Variants in EFCAB6 observed in about 807,000 individuals in gnomAD.
EFCAB6 encodes the protein EF-hand calcium-binding domain-containing protein 6.
EFCAB6 carries 156 observed loss-of-function variants against 169.8 expected under a neutral mutation model. The ratio of observed to expected loss-of-function variants is 0.92; its 90% CI spans 0.81 to 1.05. The LOEUF is 1.05. Ranked by LOEUF, EFCAB6 falls within the 50% of genes least tolerant of loss-of-function variation. The pLI, the probability that EFCAB6 is intolerant of heterozygous loss-of-function variation, is 0.00. For missense variants in EFCAB6, 1,800 were observed against 1,829.1 expected (o/e 0.98, Z 0.29); for synonymous variants, 698 against 676.4 (o/e 1.03, Z -0.50).
At chr22:43,737,776 CACAT>C (rs1386991273) in intron 6 of EFCAB6, among the ~76,000 whole-genome samples, 2 of 151,630 alleles carry the variant, frequency 1.3e-5, no homozygotes, top group Non-Finnish European at 2.9e-5. Flanking sequence ...ATCACTCACA[CACAT>C]ATTCATACAC....
Position 43,672,014 on chromosome 22 carries a change from C to T in EFCAB6, c.1599G>A (p.Met533Ile), listed in dbSNP as rs1907502006. 2 of 1,614,126 alleles carry T rather than the reference C, an allele frequency of 1.2e-6. No individual in the cohort carries two copies. Among genetic ancestry groups the T allele is most frequent in the African/African-American group, 1.3e-5 (1 of 75,050 alleles). Residue 533 changes from methionine (M) to isoleucine (I), a missense_variant, in exon 15 of 32, where the codon ATG (methionine) becomes ATA (isoleucine). Met to Ile is a conservative substitution (Grantham distance 10, BLOSUM62 1). Transcript: ENST00000262726. ...RIGRNNFKKI[M>I]HVFCPFLTNA... is the part of the protein sequence containing the mutation. ...TCGTTAAAAATGGACAGAAGACGTG[C>T]ATGATTTTCTTGAAATTATTTCGGC...
intron 2 of EFCAB6, among the ~76,000 whole-genome samples, chr22:43,784,627 ATATATGTATATG>A (rs1301019074): frequency 5.3e-5 from 4 of 75,662 alleles, no homozygotes; most frequent in South Asian, 4.0e-4. Context: ...ATATACACAT[ATATATGTATATG>A]TACACATATA....
At chr22:43,658,937 C>T (rs2157230) in intron 17 of EFCAB6, among the ~76,000 whole-genome samples, 16,813 of 152,252 alleles carry the variant, frequency 0.11, 997 homozygotes, top group Admixed American at 0.12. Context: ...AGGCTGCCAC[C>T]GGTTTCTCTA....
At chr22:43,676,367 C>T (rs1044753036) in intron 13 of EFCAB6, among the ~76,000 whole-genome samples, 2 of 146,818 alleles carry the variant, frequency 1.4e-5, no homozygotes, top group African/African-American at 5.1e-5. Flanking sequence ...TGCAGTGAGC[C>T]GAGATCATGC....
At chr22:43,703,346 G>A (rs1241506210) in intron 10 of EFCAB6, among the ~76,000 whole-genome samples, 1 of 152,166 alleles carries the variant, frequency 6.6e-6, no homozygotes, top group African/African-American at 2.4e-5. Context: ...AAGCTAGACT[G>A]AATAATGAAT....
intron 26 of EFCAB6, among the ~76,000 whole-genome samples, chr22:43,568,885 T>C (rs762892086): frequency 1.8e-4 from 27 of 152,182 alleles, no homozygotes; most frequent in Non-Finnish European, 3.5e-4. Flanking sequence ...GATAGCCTTG[T>C]CTTCTGCCTG....
intron 2 of EFCAB6, among the ~76,000 whole-genome samples, chr22:43,784,714 C>CATATATAT (rs1275829590): frequency 8.4e-5 from 11 of 131,108 alleles, no homozygotes; most frequent in African/African-American, 3.1e-4. Context: ...CACACACACA[C>CATATATAT]ACACATATAT....
intron 13 of EFCAB6, among the ~76,000 whole-genome samples, chr22:43,673,988 T>C (rs2057611440): frequency 6.6e-6 from 1 of 150,826 alleles, no homozygotes; most frequent in African/African-American, 2.4e-5. Context: ...AAAAAAGTCA[T>C]TGTATGGTCT....
chr22:43,579,285 C>A (rs1011258339), intron 25 of EFCAB6, among the ~76,000 whole-genome samples: 2 of 138,664 alleles, frequency 1.4e-5, no homozygotes, highest in Non-Finnish European at 3.1e-5. Flanking sequence ...ATTCCCTATA[C>A]GCAGGCATTA....
chr22:43,592,362 T>C (rs9917568), intron 23 of EFCAB6, among the ~76,000 whole-genome samples: 3,152 of 152,300 alleles, frequency 0.021, 108 homozygotes, highest in African/African-American at 0.072. Context: ...TTGAATTCAG[T>C]CCCATGTTGC....
At chr22:43,552,249 CG>C (rs2048425258) in intron 27 of EFCAB6, 1 of 152,102 alleles carries the variant, frequency 6.6e-6, no homozygotes, top group South Asian at 2.1e-4. Context: ...TTGTGAAAAG[CG>C]CTGCAATGTA....
intron 17 of EFCAB6, among the ~76,000 whole-genome samples, chr22:43,657,009 G>A (rs2056780713): frequency 6.6e-6 from 1 of 152,154 alleles, no homozygotes; most frequent in Admixed American, 6.5e-5. Flanking sequence ...AAAATTGATG[G>A]CCAGGCATGG....
At chr22:43,587,860 G>A (rs2051181042) in intron 24 of EFCAB6, among the ~76,000 whole-genome samples, 1 of 152,154 alleles carries the variant, frequency 6.6e-6, no homozygotes, top group Non-Finnish European at 1.5e-5. Context: ...GTTGACAACA[G>A]GAGACCAAAG....
Position 43,678,113 on chromosome 22 carries a change from G to T in EFCAB6, c.1302C>A (p.Cys434Ter). 6.2e-7 allele frequency: 1 copy of T among 1,612,454 alleles called. No homozygotes were observed. Reference sequence around the variant, plus strand: ...CTGAATCGCTTAGTTTTACAGCCATGCAATTTAGAATATATCGAAATTCTT... The same window carrying T: ...CTGAATCGCTTAGTTTTACAGCCATTCAATTTAGAATATATCGAAATTCTT... Reference protein sequence around the residue: ...TREEFRYILNCMAVKLSDSEF... With the variant: ...TREEFRYILN Residue 434 changes from cysteine to a stop codon, truncating the protein, a stop_gained, in exon 13 of 32, where the codon TGC becomes TGA. Transcript: ENST00000262726. LOFTEE classifies it high-confidence loss of function.
intron 17 of EFCAB6, among the ~76,000 whole-genome samples, chr22:43,661,812 G>A (rs1159333457): frequency 1.3e-5 from 2 of 152,144 alleles, no homozygotes; most frequent in Non-Finnish European, 2.9e-5. Flanking sequence ...CTTATTGATA[G>A]TTAATAAATA....
chr22:43,687,513 C>T lies in EFCAB6; in HGVS notation c.1100G>A (p.Gly367Glu), dbSNP rs2058249586. The change falls in exon 11 of 32, where the codon GGG (glycine) becomes GAG (glutamate). Residue 367 changes from glycine (G) to glutamate (E), a missense_variant. Coordinates refer to ENST00000262726, the MANE Select transcript of EFCAB6 (RefSeq NM_022785.4). ...QFLTSFHEPQ[G>E]LQVSSKGPLT... is the part of the protein sequence containing the mutation. ...GGGACCTTTACTGCTAACTTGCAACCCCTGAGGCTCATGAAATGATGTTAG... is the reference window on the plus strand; with the variant it reads ...GGGACCTTTACTGCTAACTTGCAACTCCTGAGGCTCATGAAATGATGTTAG... 4 of 1,602,710 alleles carry T rather than the reference C, an allele frequency of 2.5e-6. No homozygotes were observed. Among genetic ancestry groups the T allele is most frequent in the Non-Finnish European group, 3.4e-6 (4 of 1,175,786 alleles).
At chr22:43,794,712 T>C (rs1343765686) in intron 2 of EFCAB6, among the ~76,000 whole-genome samples, 4 of 152,170 alleles carry the variant, frequency 2.6e-5, no homozygotes, top group Non-Finnish European at 5.9e-5. Context: ...TAATCAAATA[T>C]GAGGATTCCA....
intron 26 of EFCAB6, among the ~76,000 whole-genome samples, chr22:43,568,232 G>C (rs182189381): frequency 6.6e-6 from 1 of 152,342 alleles, no homozygotes. Context: ...GTCCAGTCCA[G>C]TGCAGCATCC....
chr22:43,647,598 C>T (rs966712161), intron 17 of EFCAB6, among the ~76,000 whole-genome samples: 1 of 152,302 alleles, frequency 6.6e-6, no homozygotes, highest in African/African-American at 2.4e-5. Flanking sequence ...TGAATGTAAC[C>T]TTTAATGGAG....
Sources: gnomAD v4.1 joint callset for allele counts (sites outside exome capture counted in the v4.1 genomes callset) on GRCh38, gnomAD v4.1.1 for gene constraint, MANE v1.5 for transcripts, NCBI Gene and HGNC (gene_info 2026-07-23, HGNC 2026-07-21) for gene names.